Variants in RARB observed in about 807,000 individuals in gnomAD.
RARB encodes retinoic acid receptor beta, also known as HBV-activated protein.
In RARB, 17 loss-of-function variants were observed where a neutral mutation model predicts 51.9. That is an observed-to-expected ratio of 0.33 (90% CI 0.22 to 0.49). RARB has a LOEUF of 0.49. Among genes scored for constraint, RARB ranks in the 20% least tolerant of loss-of-function variants. The pLI is 0.99. For synonymous variants in RARB, 215 were observed against 195.4 expected (o/e 1.10, Z -0.84); for missense variants, 369 against 550.8 (o/e 0.67, Z 3.30).
Position 25,377,015 on chromosome 3 carries a change from TAG to T in RARB, c.179-84177_179-84176del, listed in dbSNP as rs1491405710. Among the ~76,000 whole-genome samples the T allele has an allele frequency of 6.9e-4, 102 of 147,964 alleles. 1 individual carries two copies. Among genetic ancestry groups the T allele is most frequent in the African/African-American group, 2.0e-3 (83 of 40,896 alleles). Reference sequence around the variant, plus strand: ...TTTTTCTTCTTTCAATGTATTAGTTTAGTTTGTTTGTTTGTTTGTTTGTTTTT... The same window carrying T: ...TTTTTCTTCTTTCAATGTATTAGTTTTTTGTTTGTTTGTTTGTTTGTTTTT... On this transcript the variant is annotated intron_variant, in intron 5 of 11. Coordinates refer to the RARB transcript ENST00000383772.
intron 5 of RARB, among the ~76,000 whole-genome samples, chr3:25,293,372 A>G (rs377692973): frequency 3.3e-5 from 5 of 152,070 alleles, no homozygotes; most frequent in African/African-American, 1.2e-4. Flanking sequence ...TTGATGTTTT[A>G]TAATGAACCA....
intron 5 of RARB, among the ~76,000 whole-genome samples, chr3:25,241,470 C>A (rs1575248150): frequency 6.6e-6 from 1 of 152,164 alleles, no homozygotes; most frequent in African/African-American, 2.4e-5. Flanking sequence ...CCCTTCCCTG[C>A]CACAACCCCC....
At chr3:25,095,177 G>A (rs992241474) in intron 3 of RARB, among the ~76,000 whole-genome samples, 5 of 152,124 alleles carry the variant, frequency 3.3e-5, no homozygotes, top group Non-Finnish European at 5.9e-5. Context: ...CAGATGCCTG[G>A]CATCTACTTC....
At chr3:24,974,285 C>T (rs1228293083) in intron 2 of RARB, among the ~76,000 whole-genome samples, 2 of 151,988 alleles carry the variant, frequency 1.3e-5, no homozygotes, top group Non-Finnish European at 2.9e-5. Flanking sequence ...GGATGAATTC[C>T]ACTTGATCAC....
chr3:25,471,157 A>T (rs919968188), intron 2 of RARB, among the ~76,000 whole-genome samples: 6 of 152,244 alleles, frequency 3.9e-5, no homozygotes, highest in African/African-American at 1.4e-4. Context: ...GGAATTATAT[A>T]TAAACAGGAC....
At chr3:24,969,410 T>C (rs957511458) in intron 2 of RARB, among the ~76,000 whole-genome samples, 9 of 152,100 alleles carry the variant, frequency 5.9e-5, no homozygotes, top group Non-Finnish European at 1.3e-4. Flanking sequence ...ATAGTAATGA[T>C]GTCAGTAACA....
chr3:25,155,354 C>T (rs952485499), intron 4 of RARB, among the ~76,000 whole-genome samples: 11 of 152,156 alleles, frequency 7.2e-5, no homozygotes, highest in South Asian at 2.1e-4. Context: ...AGTCACTATT[C>T]CCTTGTTAGA....
At chr3:25,284,892 C>T (rs748219885) in intron 5 of RARB, among the ~76,000 whole-genome samples, 70 of 152,262 alleles carry the variant, frequency 4.6e-4, no homozygotes, top group Non-Finnish European at 7.9e-4. Flanking sequence ...CTTGAGTCTG[C>T]ACAGACTTTG....
intron 6 of RARB, 75 bp downstream of exon 6, chr3:25,593,782 C>A: frequency 7.0e-7 from 1 of 1,437,470 alleles, no homozygotes; most frequent in Non-Finnish European, 9.6e-7. Context: ...AAAAATTCCT[C>A]ATTTCCCTTT....
chr3:24,860,238 G>T (rs140120422), intron 2 of RARB, among the ~76,000 whole-genome samples: 1 of 152,164 alleles, frequency 6.6e-6, no homozygotes, highest in Non-Finnish European at 1.5e-5. Flanking sequence ...GTCACCTGGC[G>T]CATCTTGGGT....
chr3:24,913,299 T>C (rs909565377), intron 2 of RARB, among the ~76,000 whole-genome samples: 4 of 151,966 alleles, frequency 2.6e-5, no homozygotes, highest in African/African-American at 7.2e-5. Flanking sequence ...TGTTCTTTTC[T>C]TAACAGAGGG....
chr3:25,380,665 TAA>T (rs1285308418), intron 5 of RARB, among the ~76,000 whole-genome samples: 1 of 152,198 alleles, frequency 6.6e-6, no homozygotes, highest in Non-Finnish European at 1.5e-5. Flanking sequence ...TCCTGTATTT[TAA>T]AAGATTGCGA....
chr3:25,407,255 G>C (rs1044445524), intron 5 of RARB, among the ~76,000 whole-genome samples: 1 of 152,168 alleles, frequency 6.6e-6, no homozygotes, highest in South Asian at 2.1e-4. Flanking sequence ...CAAACAGACG[G>C]GGGTACTAGG....
chr3:24,877,975 A>G (rs1559379998), intron 2 of RARB, among the ~76,000 whole-genome samples: 1 of 152,300 alleles, frequency 6.6e-6, no homozygotes, highest in African/African-American at 2.4e-5. Context: ...AAAATAGACA[A>G]TCATCTCACC....
At chr3:24,987,266 T>G (rs1401336655) in intron 2 of RARB, among the ~76,000 whole-genome samples, 4 of 152,106 alleles carry the variant, frequency 2.6e-5, no homozygotes, top group African/African-American at 7.2e-5. Context: ...TTATTCCTTC[T>G]CCTCCACTTT....
At chr3:25,409,848 C>T (rs1217006829) in intron 5 of RARB, among the ~76,000 whole-genome samples, 1 of 152,206 alleles carries the variant, frequency 6.6e-6, no homozygotes, top group African/African-American at 2.4e-5. Context: ...TGGTGTCTTA[C>T]TTTTACCTCC....
intron 5 of RARB, among the ~76,000 whole-genome samples, chr3:25,343,212 T>C (rs1308659897): frequency 6.6e-6 from 1 of 152,164 alleles, no homozygotes; most frequent in Non-Finnish European, 1.5e-5. Context: ...TACCATCTTC[T>C]GCTCTTCTCT....
chr3:25,210,204 G>A (rs1028675499), intron 5 of RARB, among the ~76,000 whole-genome samples: 5 of 152,244 alleles, frequency 3.3e-5, no homozygotes, highest in South Asian at 4.1e-4. Flanking sequence ...TGGCCTGTCC[G>A]TTATGGTCTA....
intron 3 of RARB, among the ~76,000 whole-genome samples, chr3:25,525,541 A>G (rs983393831): frequency 6.7e-6 from 1 of 148,930 alleles, no homozygotes. Flanking sequence ...TTTTCTGAGC[A>G]CTTACTATGT....
Sources: gnomAD v4.1 joint callset for allele counts (sites outside exome capture counted in the v4.1 genomes callset) on GRCh38, gnomAD v4.1.1 for gene constraint, MANE v1.5 for transcripts, NCBI Gene and HGNC (gene_info 2026-07-23, HGNC 2026-07-21) for gene names.